Variants in CNTN4 observed in about 807,000 individuals in gnomAD.
CNTN4 encodes the protein contactin 4.
A neutral mutation model predicts 122.5 loss-of-function variants in CNTN4; 77 were observed. The observed-to-expected ratio is 0.63, with a 90% CI of 0.52 to 0.76. The LOEUF (loss-of-function observed/expected upper bound fraction) is 0.76, where lower values mean the gene tolerates loss of function less well. CNTN4 is among the 30% of genes least tolerant of loss of function. The pLI is 0.00. For missense variants in CNTN4, 1,256 were observed against 1,259.1 expected (o/e 1.00, Z 0.04); for synonymous variants, 512 against 447.0 (o/e 1.15, Z -1.83).
At chr3:3,008,722 C>A (rs17024645) in intron 14 of CNTN4, among the ~76,000 whole-genome samples, 9 of 152,028 alleles carry the variant, frequency 5.9e-5, no homozygotes. Flanking sequence ...CCTTCTCAAA[C>A]GACCCAGATT....
At chr3:2,765,252 C>T (rs1046592603) in intron 6 of CNTN4, among the ~76,000 whole-genome samples, 3 of 152,050 alleles carry the variant, frequency 2.0e-5, no homozygotes, top group South Asian at 2.1e-4. Context: ...TATCACCACT[C>T]GTACTTGTCG....
At chr3:2,232,091 T>G (rs1425085883) in intron 2 of CNTN4, among the ~76,000 whole-genome samples, 1 of 152,170 alleles carries the variant, frequency 6.6e-6, no homozygotes, top group Admixed American at 6.6e-5. Context: ...GACTCTCTTC[T>G]GAGACCTGTC....
chr3:2,399,740 C>A (rs143537574), intron 3 of CNTN4, among the ~76,000 whole-genome samples: 1 of 151,938 alleles, frequency 6.6e-6, no homozygotes, highest in South Asian at 2.1e-4. Context: ...GCAATTAATT[C>A]TAGTTTGGGT....
intron 3 of CNTN4, among the ~76,000 whole-genome samples, chr3:2,388,991 C>T (rs145742796): frequency 6.6e-6 from 1 of 151,724 alleles, no homozygotes; most frequent in South Asian, 2.1e-4. Context: ...AACCCTGTCT[C>T]TGCTAAAAAT....
intron 4 of CNTN4, among the ~76,000 whole-genome samples, chr3:2,593,633 T>A (rs1254237923): frequency 1.3e-5 from 2 of 152,232 alleles, no homozygotes; most frequent in African/African-American, 4.8e-5. Context: ...GATGAAGATC[T>A]TATAAGAATG....
intron 10 of CNTN4, among the ~76,000 whole-genome samples, chr3:2,889,413 C>T (rs1169986629): frequency 6.6e-6 from 1 of 152,202 alleles, no homozygotes; most frequent in Non-Finnish European, 1.5e-5. Context: ...TTGCTTTCCT[C>T]TTAAACTGTC....
At chr3:2,932,318 C>T (rs1475352939) in intron 13 of CNTN4, among the ~76,000 whole-genome samples, 1 of 152,142 alleles carries the variant, frequency 6.6e-6, no homozygotes, top group South Asian at 2.1e-4. Context: ...GCGGAGCTTG[C>T]AGTGAGCCGA....
intron 12 of CNTN4, among the ~76,000 whole-genome samples, chr3:2,919,353 GAAAAAA>G (rs200119254): frequency 0.015 from 1,577 of 108,402 alleles, 20 homozygotes; most frequent in African/African-American, 0.046. Context: ...CTCTGTCTCA[GAAAAAA>G]AAAAAAAAAA....
At chr3:2,169,633 G>A (rs1019655709) in intron 2 of CNTN4, among the ~76,000 whole-genome samples, 17 of 151,870 alleles carry the variant, frequency 1.1e-4, no homozygotes, top group East Asian at 2.0e-4. Context: ...TCCTGACCTC[G>A]TGATCCACCC....
At chr3:2,458,021 T>C (rs1233664833) in intron 3 of CNTN4, among the ~76,000 whole-genome samples, 1 of 152,108 alleles carries the variant, frequency 6.6e-6, no homozygotes, top group Non-Finnish European at 1.5e-5. Context: ...ATTTTCAGAG[T>C]AATGTGTTCC....
chr3:2,639,687 C>T (rs561483147), intron 4 of CNTN4, among the ~76,000 whole-genome samples: 1 of 152,114 alleles, frequency 6.6e-6, no homozygotes, highest in Admixed American at 6.5e-5. Flanking sequence ...TTTTCTTTGT[C>T]TGAAATAAAT....
chr3:2,348,834 T>A (rs1233976726), intron 3 of CNTN4, among the ~76,000 whole-genome samples: 1 of 152,218 alleles, frequency 6.6e-6, no homozygotes, highest in Non-Finnish European at 1.5e-5. Context: ...ACCAGGTCTC[T>A]TGTCTTCTTT....
At chr3:2,991,507 C>T (rs1695046773) in intron 14 of CNTN4, among the ~76,000 whole-genome samples, 1 of 152,008 alleles carries the variant, frequency 6.6e-6, no homozygotes, top group Admixed American at 6.6e-5. Flanking sequence ...AGTTAACAAT[C>T]CTGTTACTTT....
intron 4 of CNTN4, among the ~76,000 whole-genome samples, chr3:2,628,216 G>C (rs1428857049): frequency 6.6e-6 from 1 of 152,184 alleles, no homozygotes; most frequent in Non-Finnish European, 1.5e-5. Flanking sequence ...ACCCCTTTTA[G>C]CAGAAGTTAT....
At chr3:2,895,869 C>G (rs576318631) in intron 10 of CNTN4, among the ~76,000 whole-genome samples, 1 of 152,108 alleles carries the variant, frequency 6.6e-6, no homozygotes, top group African/African-American at 2.4e-5. Context: ...CCCGTCTCTA[C>G]TAAAAATACA....
chr3:2,774,671 A>G (rs2091244805), intron 6 of CNTN4, among the ~76,000 whole-genome samples: 1 of 152,174 alleles, frequency 6.6e-6, no homozygotes, highest in African/African-American at 2.4e-5. Flanking sequence ...CAAATAGAAT[A>G]ACACTCCTTC....
chr3:2,506,645 A>C (rs1224993108), intron 3 of CNTN4, among the ~76,000 whole-genome samples: 1 of 152,226 alleles, frequency 6.6e-6, no homozygotes, highest in African/African-American at 2.4e-5. Flanking sequence ...TCTGTATTAA[A>C]ACTGTATCTA....
intron 2 of CNTN4, among the ~76,000 whole-genome samples, chr3:2,115,908 G>C (rs1324292397): frequency 6.6e-6 from 1 of 152,224 alleles, no homozygotes; most frequent in Non-Finnish European, 1.5e-5. Flanking sequence ...ATCACAGTTA[G>C]GGTGGGCATT....
intron 3 of CNTN4, among the ~76,000 whole-genome samples, chr3:2,411,991 C>A (rs979782542): frequency 6.6e-6 from 1 of 152,086 alleles, no homozygotes; most frequent in Admixed American, 6.6e-5. Context: ...CCTCTTCTAT[C>A]CTGAGGTAAT....
Sources: gnomAD v4.1 joint callset for allele counts (sites outside exome capture counted in the v4.1 genomes callset) on GRCh38, gnomAD v4.1.1 for gene constraint, MANE v1.5 for transcripts, NCBI Gene and HGNC (gene_info 2026-07-23, HGNC 2026-07-21) for gene names.